The following PELI1 variants were observed in gnomAD, a reference collection of about 807,000 sequenced individuals.
PELI1 encodes pellino E3 ubiquitin protein ligase 1.
PELI1 carries 15 observed loss-of-function variants against 41.3 expected under a neutral mutation model. That is an observed-to-expected ratio of 0.36 (90% CI 0.24 to 0.56). The LOEUF is 0.56. Among genes scored for constraint, PELI1 ranks in the 20% least tolerant of loss-of-function variants. The pLI is 0.82. For synonymous variants in PELI1, 178 were observed against 180.1 expected, an observed-to-expected ratio of 0.99 and a Z score of 0.09; for missense variants, 403 against 525.5, an observed-to-expected ratio of 0.77 and a Z score of 2.28.
intron 1 of PELI1, among the ~76,000 whole-genome samples, chr2:64,135,419 A>G (rs1681684951): frequency 6.6e-6 from 1 of 152,192 alleles, no homozygotes; most frequent in Non-Finnish European, 1.5e-5. Context: ...AAGATTAAGT[A>G]TGGCACAAAT....
Position 64,094,743 on chromosome 2 carries a change from G to C in PELI1, c.1216C>G (p.Gln406Glu), listed in dbSNP as rs1358811049. ...TGAAAAATAAGTCTGATGTAGCCTTGTTCACCAGCCAACTGATGTGCACAA... is the reference window on the plus strand; with the variant it reads ...TGAAAAATAAGTCTGATGTAGCCTTCTTCACCAGCCAACTGATGTGCACAA... ...PFCAHQLAGE[Q>E]GYIRLIFQGP... Residue 406 changes from glutamine (Q) to glutamate (E), a missense_variant, in exon 7 of 7, where the codon CAA becomes GAA. Physicochemically the swap from Gln to Glu is conservative, Grantham distance 29 (BLOSUM62 2). Coordinates refer to ENST00000358912, the MANE Select transcript of PELI1 (RefSeq NM_020651.4). 6.2e-7 allele frequency: 1 copy of C among 1,614,110 alleles called. No homozygotes were observed. Among genetic ancestry groups the C allele is most frequent in the Non-Finnish European group, 8.5e-7 (1 of 1,179,962 alleles).
chr2:64,113,126 A>G (rs1680877617), intron 1 of PELI1, among the ~76,000 whole-genome samples: 1 of 147,840 alleles, frequency 6.8e-6, no homozygotes. Flanking sequence ...AAAAGATTTA[A>G]AAAAAAAAAA....
chr2:64,095,319 T>A (rs770963476), intron 6 of PELI1, 51 bp from the exon 7 acceptor site: 8 of 1,323,538 alleles, frequency 6.0e-6, no homozygotes, highest in Middle Eastern at 1.8e-4. Flanking sequence ...TTTTGGATTT[T>A]TACATAAGTG....
chr2:64,104,492 C>A, intron 3 of PELI1: 1 of 641,866 alleles, frequency 1.6e-6, no homozygotes, highest in Admixed American at 3.9e-5. Context: ...CCCACTGATC[C>A]TGGTTTGTCA....
intron 1 of PELI1, among the ~76,000 whole-genome samples, chr2:64,121,478 A>T (rs1241817585): frequency 6.6e-6 from 1 of 152,212 alleles, no homozygotes; most frequent in Non-Finnish European, 1.5e-5. Context: ...TTAAAAACAG[A>T]GCACTGAGAG....
chr2:64,113,013 C>T (rs1680855961), intron 1 of PELI1, among the ~76,000 whole-genome samples: 1 of 152,000 alleles, frequency 6.6e-6, no homozygotes, highest in Non-Finnish European at 1.5e-5. Context: ...CATGGTGGCT[C>T]ATGCCCGTAA....
At chr2:64,105,804 C>A (rs1486035793) in intron 2 of PELI1, among the ~76,000 whole-genome samples, 1 of 152,160 alleles carries the variant, frequency 6.6e-6, no homozygotes, top group Non-Finnish European at 1.5e-5. Context: ...CTCCCCTGCC[C>A]CCGCCCCCTG....
intron 1 of PELI1, among the ~76,000 whole-genome samples, chr2:64,125,772 G>A (rs376046511): frequency 4.6e-5 from 7 of 152,318 alleles, no homozygotes; most frequent in South Asian, 2.1e-4. Context: ...TGAACAACCC[G>A]AATCTGAATC....
intron 1 of PELI1, among the ~76,000 whole-genome samples, chr2:64,118,548 C>A (rs921176542): frequency 6.6e-6 from 1 of 152,154 alleles, no homozygotes; most frequent in Non-Finnish European, 1.5e-5. Context: ...AAAAAGAACA[C>A]TGCTGGGAAA....
chr2:64,114,826 A>G (rs985220544), intron 1 of PELI1, among the ~76,000 whole-genome samples: 27 of 152,032 alleles, frequency 1.8e-4, no homozygotes, highest in Admixed American at 1.0e-3. Context: ...TCAACTTCCT[A>G]TCTCCCCACT....
At chr2:64,133,090 G>A (rs1177280429) in intron 1 of PELI1, among the ~76,000 whole-genome samples, 2 of 152,144 alleles carry the variant, frequency 1.3e-5, no homozygotes, top group East Asian at 1.9e-4. Flanking sequence ...ACATCACTTC[G>A]AATTTCACTA....
At chr2:64,097,465 A>G (rs1680281106) in intron 4 of PELI1, among the ~76,000 whole-genome samples, 1 of 152,220 alleles carries the variant, frequency 6.6e-6, no homozygotes, top group Admixed American at 6.5e-5. Context: ...AGGTTCCCAG[A>G]TAAGAGTTCT....
chr2:64,137,483 A>ATGTG (rs150203723), intron 1 of PELI1, among the ~76,000 whole-genome samples: 3 of 151,806 alleles, frequency 2.0e-5, no homozygotes, highest in East Asian at 1.9e-4. Context: ...ATGATCTTGT[A>ATGTG]TGTGTGTGTG....
intron 1 of PELI1, among the ~76,000 whole-genome samples, chr2:64,131,067 C>A (rs1681538478): frequency 1.3e-5 from 2 of 152,078 alleles, no homozygotes; most frequent in African/African-American, 4.8e-5. Flanking sequence ...CCTATCTCTC[C>A]CTGAGGCCCT....
At chr2:64,142,098 G>A (rs1371603830) in intron 1 of PELI1, among the ~76,000 whole-genome samples, 1 of 152,096 alleles carries the variant, frequency 6.6e-6, no homozygotes, top group Non-Finnish European at 1.5e-5. Context: ...TTACATTACA[G>A]CACTTCTACC....
At chr2:64,141,417 C>T (rs1681911054) in intron 1 of PELI1, among the ~76,000 whole-genome samples, 1 of 149,130 alleles carries the variant, frequency 6.7e-6, no homozygotes, top group Admixed American at 6.9e-5. Context: ...ATCCAAAAAG[C>T]CTTTCTAACC....
intron 1 of PELI1, among the ~76,000 whole-genome samples, chr2:64,119,690 AT>A (rs748051414): frequency 6.6e-6 from 1 of 152,180 alleles, no homozygotes; most frequent in Non-Finnish European, 1.5e-5. Context: ...GCACAGAGCA[AT>A]TTTTTAACAC....
At chr2:64,123,993 G>A (rs1681305953) in intron 1 of PELI1, among the ~76,000 whole-genome samples, 1 of 152,144 alleles carries the variant, frequency 6.6e-6, no homozygotes, top group South Asian at 2.1e-4. Flanking sequence ...ACCACAACAT[G>A]GATGAACCTG....
rs1680254964 is a variant in PELI1 at position 64,096,828 on chromosome 2, T to TA, written c.304-219dup. Reference sequence around the variant, plus strand: ...TAGAGCATGGAATTAAATGAGAACTTACAATAATATACGAAACCCTTAGGG... The same window carrying TA: ...TAGAGCATGGAATTAAATGAGAACTTAACAATAATATACGAAACCCTTAGGG... On this transcript the variant is annotated intron_variant, in intron 4 of 6. Transcript: ENST00000358912. Among the ~76,000 whole-genome samples the TA allele has an allele frequency of 3.9e-5, 6 of 152,196 alleles. No homozygotes were observed. The South Asian group carries it at 1.0e-3, about 26-fold the overall frequency.
Sources: gnomAD v4.1 joint callset for allele counts (sites outside exome capture counted in the v4.1 genomes callset) on GRCh38, gnomAD v4.1.1 for gene constraint, MANE v1.5 for transcripts, NCBI Gene and HGNC (gene_info 2026-07-23, HGNC 2026-07-21) for gene names.